Variants in UNC79 observed in about 807,000 individuals in gnomAD.
UNC79 encodes the protein unc-79 subunit of NALCN channel complex, also known as protein unc-79 homolog.
A neutral mutation model predicts 283.1 loss-of-function variants in UNC79; 37 were observed. That is an observed-to-expected ratio of 0.13 (90% CI 0.10 to 0.17). The LOEUF is 0.17. UNC79 is among the 10% of genes least tolerant of loss of function. The pLI is 1.00. For missense variants in UNC79, 2,272 were observed against 3,211.1 expected, an observed-to-expected ratio of 0.71 and a Z score of 7.07; for synonymous variants, 1,107 against 1,200.2, an observed-to-expected ratio of 0.92 and a Z score of 1.61.
intron 37 of UNC79, among the ~76,000 whole-genome samples, chr14:93,654,840 G>A (rs2070751535): frequency 6.6e-6 from 1 of 152,142 alleles, no homozygotes; most frequent in Admixed American, 6.5e-5. Flanking sequence ...CAGCACTGCT[G>A]CAGGTCAGCT....
Position 93,688,942 on chromosome 14 carries a change from G to A in UNC79, c.7085+102G>A. The A allele has an allele frequency of 7.7e-7, 1 of 1,294,742 alleles. No individual in the cohort carries two copies. The highest frequency in any genetic ancestry group is 1.1e-6 in the Non-Finnish European group (1 of 951,102). The allele number at this position is 1,294,742 out of a possible 1,614,324, so 80.2% of individuals were successfully genotyped here. ...GTTAAGGAGTACACCGAAGATTTAT[G>A]ACAGTGGAATATACTTGGTTAGGAA... On this transcript the variant is annotated intron_variant, in intron 44 of 48. Coordinates refer to ENST00000555664, the Ensembl canonical transcript of UNC79. This position sits in a 1 kb window ranked among gnomAD's most constrained non-coding sequence, Gnocchi z 4.0.
At chr14:93,555,690 C>G (rs2062139526) in intron 14 of UNC79, among the ~76,000 whole-genome samples, 1 of 152,172 alleles carries the variant, frequency 6.6e-6, no homozygotes, top group African/African-American at 2.4e-5. Context: ...AGGTGTGAAC[C>G]ACCACACCTG....
chr14:93,586,506 C>A, intron 20 of UNC79, 90 bp from the exon 21 acceptor site: 1 of 1,206,592 alleles, frequency 8.3e-7, no homozygotes, highest in Non-Finnish European at 1.2e-6. Context: ...CAATTTTTTA[C>A]TCTTCTTGGT....
chr14:93,631,704 C>T (rs916880484), intron 31 of UNC79, among the ~76,000 whole-genome samples: 3 of 152,164 alleles, frequency 2.0e-5, no homozygotes, highest in African/African-American at 7.2e-5. Context: ...TTTTGATGAT[C>T]CTGAAAAAAC....
intron 1 of UNC79, among the ~76,000 whole-genome samples, chr14:93,448,912 C>T (rs79329742): frequency 6.6e-6 from 1 of 152,316 alleles, no homozygotes; most frequent in Non-Finnish European, 1.5e-5. Flanking sequence ...AGAATCTGCT[C>T]CATCACTTTC....
intron 1 of UNC79, among the ~76,000 whole-genome samples, chr14:93,450,734 TTCTGACATTTCATAACAAAGTGC>T (rs1397350231): frequency 2.6e-5 from 4 of 152,196 alleles, no homozygotes; most frequent in Non-Finnish European, 5.9e-5. Context: ...TGTCCCTAGT[TTCTGACATTTCATAACAAAGTGC>T]ATTGCTATGT....
intron 1 of UNC79, among the ~76,000 whole-genome samples, chr14:93,343,184 G>C (rs547379945): frequency 6.6e-6 from 1 of 152,116 alleles, no homozygotes. Context: ...ATATTAGTCT[G>C]TTTTTACACT....
At chr14:93,447,777 T>C (rs901930893) in intron 1 of UNC79, among the ~76,000 whole-genome samples, 10 of 152,190 alleles carry the variant, frequency 6.6e-5, no homozygotes, top group Non-Finnish European at 1.5e-4. Context: ...TCGACAGTTT[T>C]TTTTTTCCTT....
chr14:93,452,629 C>T (rs2056680277), intron 1 of UNC79, among the ~76,000 whole-genome samples: 1 of 152,016 alleles, frequency 6.6e-6, no homozygotes, highest in African/African-American at 2.4e-5. Flanking sequence ...CTCAGATGAC[C>T]CACCCGCCTC....
At chr14:93,603,351 C>G (rs1159638700) in exon 26 of UNC79, 1 of 1,614,188 alleles carries the variant, frequency 6.2e-7, no homozygotes. Context: ...CCCTGAGGGA[C>G]AGCGTGAAAG....
intron 1 of UNC79, among the ~76,000 whole-genome samples, chr14:93,448,784 G>C (rs1183002957): frequency 3.3e-5 from 5 of 152,202 alleles, no homozygotes; most frequent in African/African-American, 1.2e-4. Flanking sequence ...TTTTGCACTT[G>C]TGTGGTTCAG....
chr14:93,569,101 G>T (rs1375912266), intron 14 of UNC79, among the ~76,000 whole-genome samples: 2 of 152,216 alleles, frequency 1.3e-5, no homozygotes, highest in Non-Finnish European at 2.9e-5. Flanking sequence ...CAATTCTGGG[G>T]TCTAAAGCAG....
intron 1 of UNC79, among the ~76,000 whole-genome samples, chr14:93,409,699 A>G (rs1190844552): frequency 3.3e-5 from 5 of 152,176 alleles, no homozygotes; most frequent in African/African-American, 1.2e-4. Flanking sequence ...AAAATAAATA[A>G]ATAAATGGAA....
At position 93,336,500 on chromosome 14, in the gene UNC79, C is replaced by T. The variant is rs1293658628; in HGVS notation, c.-351+2977C>T. On this transcript the variant is annotated intron_variant, in intron 1 of 49. Transcript: ENST00000256339. ...GGGATTACAGGTGCGTGCCACCATG[C>T]CTGACTAATTTTTTGTATTTTTAGT... 2.0e-5 allele frequency among the ~76,000 whole-genome samples: 3 copies of T among 152,208 alleles called. No individual in the cohort carries two copies. In the South Asian group the frequency reaches 6.2e-4, roughly 32 times the overall value.
chr14:93,457,353 G>T (rs956190683), intron 1 of UNC79, among the ~76,000 whole-genome samples: 2 of 152,330 alleles, frequency 1.3e-5, no homozygotes, highest in South Asian at 2.1e-4. Flanking sequence ...AGGAAGTCCC[G>T]TGTGCTATGA....
intron 48 of UNC79, among the ~76,000 whole-genome samples, chr14:93,705,701 G>T (rs1311786119): frequency 6.6e-6 from 1 of 152,228 alleles, no homozygotes; most frequent in Non-Finnish European, 1.5e-5. Flanking sequence ...AGAGTTACTG[G>T]GCGTGACTTA....
intron 10 of UNC79, 106 bp downstream of exon 10, chr14:93,529,432 T>A (rs1294980963): frequency 2.5e-6 from 3 of 1,180,366 alleles, no homozygotes; most frequent in Non-Finnish European, 3.6e-6. Flanking sequence ...GTCACCAAAG[T>A]ATTGTATTGT....
intron 38 of UNC79, among the ~76,000 whole-genome samples, chr14:93,656,560 G>T (rs1566870410): frequency 6.6e-6 from 1 of 152,124 alleles, no homozygotes; most frequent in Non-Finnish European, 1.5e-5. Context: ...AGGCTGAGGT[G>T]TGCTCATTGT....
chr14:93,360,395 A>T (rs2054194951), intron 1 of UNC79, among the ~76,000 whole-genome samples: 1 of 152,266 alleles, frequency 6.6e-6, no homozygotes, highest in Non-Finnish European at 1.5e-5. Flanking sequence ...TGGCCTGTGC[A>T]GAAGACAGAT....
Sources: allele counts gnomAD v4.1 joint callset (sites outside exome capture counted in the v4.1 genomes callset), GRCh38; gene constraint gnomAD v4.1.1; non-coding constraint Gnocchi (gnomAD v3.1); transcripts MANE v1.5; gene names NCBI Gene and HGNC (gene_info 2026-07-23, HGNC 2026-07-21).